The following SELENOF variants were observed in gnomAD, a reference collection of about 807,000 sequenced individuals.
SELENOF encodes 15 kDa selenoprotein.
Under a neutral mutation model 20.5 loss-of-function variants are expected in SELENOF, and 16 were observed. The observed-to-expected ratio is 0.78, with a 90% confidence interval of 0.53 to 1.19. The LOEUF (loss-of-function observed/expected upper bound fraction) is 1.19. Among genes scored for constraint, SELENOF ranks in the 50% most tolerant of loss-of-function variants. The pLI, the probability that SELENOF is intolerant of heterozygous loss-of-function variation, is 0.00. For missense variants in SELENOF, 215 were observed against 194.2 expected, an observed-to-expected ratio of 1.11 and a Z score of -0.64; for synonymous variants, 78 against 74.5, an observed-to-expected ratio of 1.05 and a Z score of -0.24.
intron 2 of SELENOF, among the ~76,000 whole-genome samples, chr1:86,883,529 A>T (rs1046378578): frequency 1.3e-5 from 2 of 152,166 alleles, no homozygotes; most frequent in Non-Finnish European, 2.9e-5. Context: ...TACATAGTGT[A>T]TAGTTAAAAT....
rs796461237 is a variant in SELENOF, at chr1:86,871,136, GAGTACTCA to G, written c.317-3042_317-3035del. ...TAAATAAATCTTTTAACAAATATTT[GAGTACTCA>G]TTATATACACATGGCATTCGATAAG... On this transcript the variant is annotated intron_variant, in intron 3 of 4. Transcript: ENST00000331835. Among the ~76,000 whole-genome samples the G allele has an allele frequency of 2.5e-4, 38 of 152,132 alleles. 1 individual carries two copies. Among genetic ancestry groups the G allele is most frequent in the Middle Eastern group, 6.8e-3 (2 of 294 alleles).
At chr1:86,884,009 T>C (rs1659145127) in intron 2 of SELENOF, among the ~76,000 whole-genome samples, 1 of 152,228 alleles carries the variant, frequency 6.6e-6, no homozygotes, top group Non-Finnish European at 1.5e-5. Flanking sequence ...AGGATTTTCC[T>C]AGTAAACTTT....
intron 3 of SELENOF, among the ~76,000 whole-genome samples, chr1:86,877,338 C>T (rs569443923): frequency 4.6e-5 from 7 of 152,274 alleles, no homozygotes; most frequent in Admixed American, 2.0e-4. Flanking sequence ...GATCAGTATT[C>T]TTTCCAACAA....
intron 4 of SELENOF, among the ~76,000 whole-genome samples, chr1:86,866,012 T>TA (rs1008613947): frequency 3.8e-4 from 58 of 151,736 alleles, no homozygotes; most frequent in Admixed American, 3.2e-3. Context: ...TTAGGCAACA[T>TA]AGCAAGACCC....
chr1:86,878,116 G>GA lies in SELENOF; in HGVS notation c.316+2545dup, dbSNP rs906150720. Among the ~76,000 whole-genome samples, 8 of 151,744 alleles carry GA rather than the reference G, an allele frequency of 5.3e-5. No homozygotes were observed. The South Asian group carries it at 1.0e-3, about 20-fold the overall frequency. On this transcript the variant is annotated intron_variant, in intron 3 of 4. Transcript: ENST00000331835. The stretch of plus-strand genomic sequence containing the variant: ...TCTATATTTAAACAACTAGAATAAG[G>GA]AAAAAAAGGTATTTTAGAAGGCATA...
At chr1:86,894,763 G>A (rs1455965116) in intron 2 of SELENOF, among the ~76,000 whole-genome samples, 3 of 152,138 alleles carry the variant, frequency 2.0e-5, no homozygotes, top group East Asian at 3.8e-4. Context: ...CCTGAGCCCT[G>A]GAGTTGGAGG....
chr1:86,894,505 C>T (rs1659470983), intron 2 of SELENOF, among the ~76,000 whole-genome samples: 1 of 152,010 alleles, frequency 6.6e-6, no homozygotes, highest in South Asian at 2.1e-4. Context: ...AAATATGAGT[C>T]TCCTTCAATT....
intron 2 of SELENOF, among the ~76,000 whole-genome samples, chr1:86,887,890 A>G (rs1466003605): frequency 2.6e-5 from 4 of 151,638 alleles, no homozygotes; most frequent in South Asian, 2.1e-4. Flanking sequence ...TCACATGATG[A>G]AAAAAAAAGT....
intron 1 of SELENOF, 161 bp downstream of exon 1, chr1:86,913,867 G>A (rs1420978069): frequency 3.0e-6 from 2 of 656,358 alleles, no homozygotes; most frequent in South Asian, 3.6e-5. Context: ...GAAGGAGAAG[G>A]ATCAACCGAG....
At chr1:86,890,801 T>C (rs970965697) in intron 2 of SELENOF, among the ~76,000 whole-genome samples, 12 of 152,114 alleles carry the variant, frequency 7.9e-5, no homozygotes, top group African/African-American at 2.7e-4. Flanking sequence ...TGAGCCATCA[T>C]GCCTGGCCTA....
chr1:86,902,404 C>T (rs376065511), intron 2 of SELENOF, among the ~76,000 whole-genome samples: 12 of 152,160 alleles, frequency 7.9e-5, no homozygotes, highest in African/African-American at 2.6e-4. Flanking sequence ...TTTAGAACTC[C>T]GAAAATGCAC....
intron 4 of SELENOF, among the ~76,000 whole-genome samples, chr1:86,866,230 CTGTGTGTGTGTGTG>C (rs60714256): frequency 1.4e-4 from 16 of 113,678 alleles, no homozygotes; most frequent in East Asian, 1.4e-3. Context: ...GTGTGTGTCT[CTGTGTGTGTGTGTG>C]TGTGTGTGTG....
At chr1:86,876,131 C>A (rs1165796968) in intron 3 of SELENOF, among the ~76,000 whole-genome samples, 1 of 151,024 alleles carries the variant, frequency 6.6e-6, no homozygotes, top group African/African-American at 2.4e-5. Flanking sequence ...ATAACAAGTA[C>A]CTAATCCTTT....
At chr1:86,900,558 G>A (rs1408921749) in intron 2 of SELENOF, among the ~76,000 whole-genome samples, 8 of 152,172 alleles carry the variant, frequency 5.3e-5, no homozygotes, top group Non-Finnish European at 8.8e-5. Context: ...GCTTCGGCTC[G>A]GCATCAGAGG....
intron 2 of SELENOF, among the ~76,000 whole-genome samples, chr1:86,886,766 A>C (rs1223463200): frequency 6.6e-6 from 1 of 152,164 alleles, no homozygotes; most frequent in Admixed American, 6.5e-5. Context: ...CTGAGGAATA[A>C]CTGTATTTTA....
intron 2 of SELENOF, among the ~76,000 whole-genome samples, chr1:86,890,442 T>C (rs1208683538): frequency 2.6e-5 from 4 of 152,180 alleles, no homozygotes; most frequent in Non-Finnish European, 5.9e-5. Flanking sequence ...GGTTATAAAA[T>C]AAGAAGTAAA....
At chr1:86,913,991 T>C in intron 1 of SELENOF, 37 bp downstream of exon 1, 1 of 1,574,062 alleles carries the variant, frequency 6.4e-7, no homozygotes, top group Non-Finnish European at 8.7e-7. Context: ...TCACTCCTAC[T>C]CTCCCTGTGG....
At chr1:86,886,618 G>C (rs1283460272) in intron 2 of SELENOF, among the ~76,000 whole-genome samples, 1 of 151,844 alleles carries the variant, frequency 6.6e-6, no homozygotes, top group Non-Finnish European at 1.5e-5. Context: ...TGCTAGTTTT[G>C]TTTATATTAA....
intron 1 of SELENOF, among the ~76,000 whole-genome samples, chr1:86,909,740 T>G (rs1659927270): frequency 6.6e-6 from 1 of 152,096 alleles, no homozygotes; most frequent in South Asian, 2.1e-4. Context: ...GGGTGGTGGC[T>G]CAAGTCTGTA....
Sources: allele counts gnomAD v4.1 joint callset (sites outside exome capture counted in the v4.1 genomes callset), GRCh38; gene constraint gnomAD v4.1.1; transcripts MANE v1.5; gene names NCBI Gene and HGNC (gene_info 2026-07-23, HGNC 2026-07-21).